LRRC37A2: variants seen among roughly 807,000 people sequenced by gnomAD.
LRRC37A2 encodes leucine-rich repeat-containing protein 37A2.
In LRRC37A2, 9 loss-of-function variants were observed where a neutral mutation model predicts 68.8. The observed-to-expected ratio is 0.13, with a 90% CI of 0.08 to 0.23. The LOEUF is 0.23. LRRC37A2 is among the 10% of genes least tolerant of loss of function. The pLI, the probability that LRRC37A2 is intolerant of heterozygous loss-of-function variation, is 1.00. For missense variants in LRRC37A2, 168 were observed against 950.4 expected, an observed-to-expected ratio of 0.18 and a Z score of 10.82; for synonymous variants, 63 against 367.6, an observed-to-expected ratio of 0.17 and a Z score of 9.48.
chr17:46,863,611 G>A, the LRRC37A2 span, among the ~76,000 whole-genome samples: 2 of 152,186 alleles, frequency 1.3e-5, no homozygotes, highest in Non-Finnish European at 2.9e-5. Context: ...TACTAGAGCT[G>A]TCTGGGACCT....
At chr17:46,910,763 A>G in the LRRC37A2 span, among the ~76,000 whole-genome samples, 23 of 152,226 alleles carry the variant, frequency 1.5e-4, no homozygotes, top group Non-Finnish European at 1.5e-5. Context: ...AAATCACTTC[A>G]GGGAGCCAGC....
At chr17:46,962,204 C>T in the LRRC37A2 span, among the ~76,000 whole-genome samples, 1 of 151,966 alleles carries the variant, frequency 6.6e-6, no homozygotes, top group Non-Finnish European at 1.5e-5. Context: ...TGGCATGCGC[C>T]TGTAATCCTA....
the LRRC37A2 span, among the ~76,000 whole-genome samples, chr17:46,491,177 G>A: frequency 6.6e-6 from 1 of 151,186 alleles, no homozygotes; most frequent in Non-Finnish European, 1.5e-5. Context: ...GATTATAGGC[G>A]TGAGCCACTG....
the LRRC37A2 span, chr17:46,979,261 G>A: frequency 1.8e-5 from 6 of 340,840 alleles, no homozygotes; most frequent in African/African-American, 6.5e-5. Context: ...TGTGCTTAGC[G>A]GTCGCCCGCT....
At chr17:46,554,088 T>C (rs1301202617) in intron 12 of LRRC37A2, 1 of 980,284 alleles carries the variant, frequency 1.0e-6, no homozygotes, top group Non-Finnish European at 1.2e-6. Flanking sequence ...GGAAACACTA[T>C]TTTCTCATCT....
chr17:46,722,807 G>A, the LRRC37A2 span, among the ~76,000 whole-genome samples: 1 of 152,166 alleles, frequency 6.6e-6, no homozygotes, highest in Non-Finnish European at 1.5e-5. Flanking sequence ...GTAGCTACCC[G>A]GAGGAGTTTC....
the LRRC37A2 span, chr17:46,876,180 T>C: frequency 6.8e-7 from 1 of 1,464,576 alleles, no homozygotes; most frequent in Non-Finnish European, 9.2e-7. Context: ...GTTGGTGCTC[T>C]GGGGGCAGGC....
the LRRC37A2 span, among the ~76,000 whole-genome samples, chr17:46,837,216 C>G: frequency 6.6e-6 from 1 of 152,218 alleles, no homozygotes; most frequent in Non-Finnish European, 1.5e-5. Flanking sequence ...GCTGGGATTA[C>G]AGGCGTGAGC....
At chr17:46,920,931 G>A in the LRRC37A2 span, among the ~76,000 whole-genome samples, 2 of 152,098 alleles carry the variant, frequency 1.3e-5, no homozygotes, top group African/African-American at 4.8e-5. Flanking sequence ...GATAAAGGAA[G>A]TCCCTTCTGC....
chr17:46,830,524 G>A, the LRRC37A2 span: 1 of 395,834 alleles, frequency 2.5e-6, no homozygotes, highest in Non-Finnish European at 4.4e-6. Flanking sequence ...GGGATTACAG[G>A]CATGAGCCAC....
chr17:46,820,562 C>T, the LRRC37A2 span, among the ~76,000 whole-genome samples: 1 of 152,086 alleles, frequency 6.6e-6, no homozygotes, highest in Non-Finnish European at 1.5e-5. Context: ...CTGGTGGGGG[C>T]TGCAGAGATG....
At chr17:46,972,086 C>T in the LRRC37A2 span, among the ~76,000 whole-genome samples, 5 of 12,626 alleles carry the variant, frequency 4.0e-4, no homozygotes, top group African/African-American at 4.2e-4. Context: ...GCTGCTTCCC[C>T]GCTTTATGTT....
At chr17:46,925,221 C>T in the LRRC37A2 span, among the ~76,000 whole-genome samples, 1 of 152,156 alleles carries the variant, frequency 6.6e-6, no homozygotes, top group Non-Finnish European at 1.5e-5. Flanking sequence ...GGAAAACAGC[C>T]ATAGACAATA....
At chr17:47,000,129 A>ATAAAATAATAAAATAAAAT in the LRRC37A2 span, among the ~76,000 whole-genome samples, 1 of 135,438 alleles carries the variant, frequency 7.4e-6, no homozygotes, top group African/African-American at 2.8e-5. Flanking sequence ...AATAAAATAA[A>ATAAAATAATAAAATAAAAT]ATAAAATAGT....
the LRRC37A2 span, among the ~76,000 whole-genome samples, chr17:46,469,888 C>T: frequency 1.4e-5 from 1 of 72,946 alleles, no homozygotes; most frequent in Non-Finnish European, 3.5e-5. Context: ...ATTCTGCTTG[C>T]CTCATTTATG....
At chr17:46,729,099 T>G in the LRRC37A2 span, among the ~76,000 whole-genome samples, 2 of 152,184 alleles carry the variant, frequency 1.3e-5, no homozygotes, top group African/African-American at 4.8e-5. Flanking sequence ...AGGTAAATTA[T>G]TTTATCAACA....
At chr17:46,732,691 AC>A in the LRRC37A2 span, among the ~76,000 whole-genome samples, 1 of 152,176 alleles carries the variant, frequency 6.6e-6, no homozygotes, top group Non-Finnish European at 1.5e-5. Flanking sequence ...TCTTTTTAAA[AC>A]CAATTAAAAG....
At chr17:46,708,829 T>A in the LRRC37A2 span, among the ~76,000 whole-genome samples, 198 of 123,108 alleles carry the variant, frequency 1.6e-3, no homozygotes, top group South Asian at 3.8e-3. Flanking sequence ...TATATTTTTT[T>A]TTTTTTTTTT....
At chr17:46,834,753 C>T in the LRRC37A2 span, among the ~76,000 whole-genome samples, 2 of 152,130 alleles carry the variant, frequency 1.3e-5, no homozygotes, top group Non-Finnish European at 2.9e-5. Context: ...ACTCAGCACC[C>T]CTGTTATTCC....
Sources: gnomAD v4.1 joint callset for allele counts (sites outside exome capture counted in the v4.1 genomes callset) on GRCh38, gnomAD v4.1.1 for gene constraint, MANE v1.5 for transcripts, NCBI Gene and HGNC (gene_info 2026-07-23, HGNC 2026-07-21) for gene names.